The following GABRG3 variants were observed in gnomAD, a reference collection of about 807,000 sequenced individuals.
GABRG3 encodes gamma-aminobutyric acid type A receptor subunit gamma3.
In GABRG3, 25 loss-of-function variants were observed where a neutral mutation model predicts 48.8. The ratio of observed to expected loss-of-function variants is 0.51; its 90% CI spans 0.37 to 0.72. GABRG3 has a LOEUF of 0.72. Ranked by LOEUF, GABRG3 falls within the 30% of genes least tolerant of loss-of-function variation. GABRG3 has a pLI of 0.00. For missense variants in GABRG3, 394 were observed against 577.9 expected (o/e 0.68, Z 3.26); for synonymous variants, 227 against 217.6 (o/e 1.04, Z -0.38).
At chr15:27,242,354 G>C (rs556265227) in intron 3 of GABRG3, among the ~76,000 whole-genome samples, 1 of 152,284 alleles carries the variant, frequency 6.6e-6, no homozygotes, top group African/African-American at 2.4e-5. Context: ...CATTAGTTTA[G>C]TTGCTCTGGG....
chr15:27,034,803 C>A (rs1468015467), intron 3 of GABRG3, among the ~76,000 whole-genome samples: 2 of 152,218 alleles, frequency 1.3e-5, no homozygotes, highest in African/African-American at 4.8e-5. Context: ...TCTCCCTCTG[C>A]CTCTCACGTG....
chr15:27,297,584 A>G (rs1043980043), intron 3 of GABRG3, among the ~76,000 whole-genome samples: 1 of 107,712 alleles, frequency 9.3e-6, no homozygotes, highest in Non-Finnish European at 2.6e-5. Context: ...TAGGAGCAAC[A>G]GGCTATACCA....
intron 3 of GABRG3, among the ~76,000 whole-genome samples, chr15:27,162,549 G>A (rs1166352302): frequency 6.6e-6 from 1 of 152,130 alleles, no homozygotes; most frequent in Non-Finnish European, 1.5e-5. Context: ...ATCGGGTGCA[G>A]TACCTGGCAG....
At chr15:27,271,506 G>C (rs1891087337) in intron 3 of GABRG3, 3 of 454,802 alleles carry the variant, frequency 6.6e-6, no homozygotes, top group Non-Finnish European at 8.8e-6. Flanking sequence ...CCACGCCCCG[G>C]AGCCCCCAGG....
chr15:27,532,427 C>CAA (rs374534463), intron 9 of GABRG3, among the ~76,000 whole-genome samples, 173 bp from the exon 10 acceptor site: 1,142 of 74,608 alleles, frequency 0.015, 42 homozygotes, highest in African/African-American at 0.049. Context: ...TCCTTAAAAC[C>CAA]AAAAAAAAAA....
intron 5 of GABRG3, among the ~76,000 whole-genome samples, chr15:27,418,279 T>C (rs1209526115): frequency 6.6e-6 from 1 of 151,918 alleles, no homozygotes; most frequent in Non-Finnish European, 1.5e-5. Context: ...GAGGGGAAAA[T>C]GGGAAGGGAA....
At chr15:27,370,315 G>A (rs1354681434) in intron 5 of GABRG3, among the ~76,000 whole-genome samples, 2 of 152,220 alleles carry the variant, frequency 1.3e-5, no homozygotes, top group Non-Finnish European at 2.9e-5. Context: ...TGGACAGGTT[G>A]CCAGGAAAGA....
chr15:27,307,837 TA>T (rs1423961865), intron 3 of GABRG3, among the ~76,000 whole-genome samples: 1 of 129,820 alleles, frequency 7.7e-6, no homozygotes, highest in East Asian at 2.2e-4. Flanking sequence ...TAAACATATA[TA>T]AAATAAACAT....
At chr15:27,101,054 A>C (rs767100520) in intron 3 of GABRG3, among the ~76,000 whole-genome samples, 2 of 152,218 alleles carry the variant, frequency 1.3e-5, no homozygotes, top group African/African-American at 2.4e-5. Flanking sequence ...CTGATTGTCT[A>C]CATGAAAGTC....
At chr15:27,172,862 C>T (rs916870594) in intron 3 of GABRG3, among the ~76,000 whole-genome samples, 2 of 152,120 alleles carry the variant, frequency 1.3e-5, no homozygotes, top group African/African-American at 2.4e-5. Context: ...ACAGCGTCAT[C>T]GTCCAGGTCT....
chr15:27,420,100 T>C (rs1482913389), intron 5 of GABRG3, among the ~76,000 whole-genome samples: 1 of 152,226 alleles, frequency 6.6e-6, no homozygotes, highest in Non-Finnish European at 1.5e-5. Flanking sequence ...ACTACTTCAA[T>C]GCAGCATTTC....
chr15:27,388,362 A>G lies in GABRG3; in HGVS notation c.574+59474A>G, dbSNP rs1322682759. Among the ~76,000 whole-genome samples the G allele has an allele frequency of 6.5e-4, 17 of 26,216 alleles. 3 individuals carry two copies. Among genetic ancestry groups the G allele is most frequent in the Non-Finnish European group, 1.1e-3 (12 of 11,410 alleles). The allele number at this position is 26,216 out of a possible 152,430, so 17.2% of individuals were successfully genotyped here. On this transcript the variant is annotated intron_variant, in intron 5 of 9. Transcript: ENST00000615808. ...AAGGTGGGAGGGAGGGTAAGGAAGGAAGGAAGAAAGGAAGGAAGGAAGGAA... is the reference window on the plus strand; with the variant it reads ...AAGGTGGGAGGGAGGGTAAGGAAGGGAGGAAGAAAGGAAGGAAGGAAGGAA...
At chr15:27,019,010 G>A (rs6606855) in intron 2 of GABRG3, among the ~76,000 whole-genome samples, 83,844 of 148,412 alleles carry the variant, frequency 0.56, 24,048 homozygotes, top group African/African-American at 0.64. Context: ...GATGATGATG[G>A]TAAAAAACAG....
At chr15:27,059,960 A>AT (rs1253453638) in intron 3 of GABRG3, among the ~76,000 whole-genome samples, 1 of 152,190 alleles carries the variant, frequency 6.6e-6, no homozygotes, top group Admixed American at 6.5e-5. Context: ...CTCTTTTTAG[A>AT]TTTTCTTCTC....
At chr15:27,104,289 C>T (rs903181022) in intron 3 of GABRG3, among the ~76,000 whole-genome samples, 11 of 152,184 alleles carry the variant, frequency 7.2e-5, no homozygotes, top group Admixed American at 4.6e-4. Flanking sequence ...ATCAGTGGTA[C>T]GAGCCAGGAC....
chr15:27,183,833 T>G (rs549555919), intron 3 of GABRG3, among the ~76,000 whole-genome samples: 1 of 152,340 alleles, frequency 6.6e-6, no homozygotes, highest in Admixed American at 6.5e-5. Flanking sequence ...TTTAAATGCA[T>G]ATGTTTGCAC....
intron 3 of GABRG3, among the ~76,000 whole-genome samples, chr15:27,174,572 C>CCTCTCTCTCGT (rs1217832709): frequency 2.9e-4 from 41 of 143,058 alleles, no homozygotes; most frequent in African/African-American, 1.1e-3. Context: ...CCAGTGACTG[C>CCTCTCTCTCGT]CTCTCTCTCT....
chr15:27,084,516 T>G (rs1292587789), intron 3 of GABRG3, among the ~76,000 whole-genome samples: 4 of 152,232 alleles, frequency 2.6e-5, no homozygotes, highest in African/African-American at 7.2e-5. Flanking sequence ...CTGAGAAGAC[T>G]GGTCCTGGTG....
intron 5 of GABRG3, among the ~76,000 whole-genome samples, chr15:27,475,554 G>A (rs919000655): frequency 1.1e-4 from 16 of 151,918 alleles, no homozygotes; most frequent in African/African-American, 3.6e-4. Context: ...TGATGATGAT[G>A]GTATGATGAT....
Sources: allele counts gnomAD v4.1 joint callset (sites outside exome capture counted in the v4.1 genomes callset), GRCh38; gene constraint gnomAD v4.1.1; transcripts MANE v1.5; gene names NCBI Gene and HGNC (gene_info 2026-07-23, HGNC 2026-07-21).